The following PCDHGB3 variants were observed in gnomAD, a reference collection of about 807,000 sequenced individuals.
The protein encoded by PCDHGB3 is protocadherin gamma subfamily B, 3.
A neutral mutation model predicts 59.2 loss-of-function variants in PCDHGB3; 40 were observed. The ratio of observed to expected loss-of-function variants is 0.68; its 90% CI spans 0.52 to 0.88. The LOEUF is 0.88. Ranked by LOEUF, PCDHGB3 falls within the 40% of genes least tolerant of loss-of-function variation. The pLI is 0.00. For missense variants in PCDHGB3, 1,309 were observed against 1,187.9 expected, an observed-to-expected ratio of 1.10 and a Z score of -1.50; for synonymous variants, 581 against 503.6, an observed-to-expected ratio of 1.15 and a Z score of -2.06.
At chr5:141,478,412 TC>T in intron 1 of PCDHGB3, 2 of 1,611,958 alleles carry the variant, frequency 1.2e-6, no homozygotes, top group Non-Finnish European at 1.7e-6. Flanking sequence ...CACCACGGAC[TC>T]CCGCCGCAGC....
chr5:141,383,913 A>G, intron 1 of PCDHGB3: 1 of 1,613,990 alleles, frequency 6.2e-7, no homozygotes, highest in Non-Finnish European at 8.5e-7. Flanking sequence ...TCACAGTTTT[A>G]GATGTAAATG....
At chr5:141,414,668 A>C in intron 1 of PCDHGB3, 1 of 1,613,856 alleles carries the variant, frequency 6.2e-7, no homozygotes, top group East Asian at 2.2e-5. Context: ...CTGGCTGAAG[A>C]CACCATCCAG....
At chr5:141,406,244 G>C (rs1214749681) in intron 1 of PCDHGB3, among the ~76,000 whole-genome samples, 1 of 151,936 alleles carries the variant, frequency 6.6e-6, no homozygotes, top group Non-Finnish European at 1.5e-5. Context: ...ATGTTGCCCA[G>C]ACTGGTCTCA....
rs758266181 is a variant in PCDHGB3 at position 141,476,561 on chromosome 5, G to A, written c.2416-18246G>A. 1.9e-6 allele frequency: 3 copies of A among 1,614,100 alleles called. No homozygotes were observed. The highest frequency in any genetic ancestry group is 2.5e-6 in the Non-Finnish European group (3 of 1,180,050). Reference sequence around the variant, plus strand: ...GAAATTGGAGATTAGCGAGGCCGTGGCTCCGGGGACGCGCTTTCCGCTCGA... The same window carrying A: ...GAAATTGGAGATTAGCGAGGCCGTGACTCCGGGGACGCGCTTTCCGCTCGA... On this transcript the variant is annotated intron_variant, in intron 1 of 3. Coordinates refer to ENST00000576222, the MANE Select transcript of PCDHGB3 (RefSeq NM_018924.5). This position sits in a 1 kb window ranked among gnomAD's most constrained non-coding sequence, Gnocchi z 7.6.
In PCDHGB3 at chr5:141,476,574, G is replaced by C. The variant is rs746783993; in HGVS notation, c.2416-18233G>C. The C allele has an allele frequency of 1.1e-5, 18 of 1,614,084 alleles. No homozygotes were observed. The Admixed American group carries it at 1.8e-4, about 16-fold the overall frequency. On this transcript the variant is annotated intron_variant, in intron 1 of 3. Coordinates refer to ENST00000576222, the MANE Select transcript of PCDHGB3 (RefSeq NM_018924.5). The surrounding 1 kb of genome is among the most constrained non-coding windows in gnomAD (Gnocchi z 7.6). ...AGCGAGGCCGTGGCTCCGGGGACGC[G>C]CTTTCCGCTCGAGAGCGCGCACGAT...
chr5:141,454,796 A>ATTTTTTTT (rs61612330), intron 1 of PCDHGB3, among the ~76,000 whole-genome samples: 1,488 of 77,444 alleles, frequency 0.019, 251 homozygotes, highest in African/African-American at 0.042. Flanking sequence ...CATGGTTCTA[A>ATTTTTTTT]TTTTTTTTTT....
In PCDHGB3 at chr5:141,491,632, C is replaced by T; in HGVS notation, c.2416-3175C>T. On this transcript the variant is annotated intron_variant, in intron 1 of 3. Transcript: ENST00000576222. This position sits in a 1 kb window ranked among gnomAD's most constrained non-coding sequence, Gnocchi z 6.9. ...TCTAAGACCCCTCAGCGTTCAGCAG[C>T]CCACAGCTCTGGCGCTGGAGCCTGA... 1.2e-6 allele frequency: 2 copies of T among 1,613,886 alleles called. No individual in the cohort carries two copies. The highest frequency in any genetic ancestry group is 1.7e-6 in the Non-Finnish European group (2 of 1,179,994).
chr5:141,396,720 C>T (rs1432240411), intron 1 of PCDHGB3: 1 of 151,964 alleles, frequency 6.6e-6, no homozygotes, highest in Non-Finnish European at 1.5e-5. Flanking sequence ...AAGCTAATAC[C>T]TGAATTGATT....
chr5:141,407,618 T>C (rs2094961239), intron 1 of PCDHGB3, among the ~76,000 whole-genome samples: 1 of 152,204 alleles, frequency 6.6e-6, no homozygotes, highest in South Asian at 2.1e-4. Context: ...TTGGTTGACA[T>C]TCTATATCTC....
chr5:141,448,756 C>T (rs938202200), intron 1 of PCDHGB3, among the ~76,000 whole-genome samples: 1 of 151,742 alleles, frequency 6.6e-6, no homozygotes, highest in African/African-American at 2.4e-5. Context: ...CTGGCTAACA[C>T]GGTGAAACCC....
chr5:141,457,422 TC>T (rs1038085994), intron 1 of PCDHGB3, among the ~76,000 whole-genome samples: 1 of 151,626 alleles, frequency 6.6e-6, no homozygotes, highest in African/African-American at 2.4e-5. Context: ...CATCCCTTTT[TC>T]CCCCCCACCA....
intron 1 of PCDHGB3, chr5:141,376,036 G>A (rs755190782): frequency 5.0e-6 from 8 of 1,613,116 alleles, no homozygotes; most frequent in South Asian, 1.1e-5. Flanking sequence ...ACCACGGCCA[G>A]CCCCCTCTCT....
chr5:141,476,446 G>A lies in PCDHGB3; in HGVS notation c.2416-18361G>A. On this transcript the variant is annotated intron_variant, in intron 1 of 3. Transcript: ENST00000576222. This position sits in a 1 kb window ranked among gnomAD's most constrained non-coding sequence, Gnocchi z 7.6. Reference sequence around the variant, plus strand: ...CCTCTTGCACTGTAACTCTGGAGTTGGTAGTGGAGAACCCGCTGGAGCTGT... The same window carrying A: ...CCTCTTGCACTGTAACTCTGGAGTTAGTAGTGGAGAACCCGCTGGAGCTGT... 6.2e-7 allele frequency: 1 copy of A among 1,614,144 alleles called. No homozygotes were observed. Among genetic ancestry groups the A allele is most frequent in the South Asian group, 1.1e-5 (1 of 91,072 alleles).
rs780665474 is a variant in PCDHGB3 at position 141,371,288 on chromosome 5, G to C, written c.894G>C (p.Thr298=). The C allele has an allele frequency of 2.5e-6, 4 of 1,613,874 alleles. No homozygotes were observed. The East Asian group carries it at 6.7e-5, about 27-fold the overall frequency. The part of the protein sequence containing the change: ...VRQLFKLDSK[T]GELTTIGELD... ...AACTGTTCAAGCTGGACAGTAAAAC[G>C]GGGGAACTCACCACTATTGGAGAAC... The change falls in exon 1 of 4, where the codon ACG becomes ACC. Residue 298 remains threonine, a synonymous_variant. Transcript: ENST00000576222.
rs2099705703 is a variant in PCDHGB3, at chr5:141,490,886, C to A, written c.2416-3921C>A. On this transcript the variant is annotated intron_variant, in intron 1 of 3. Transcript: ENST00000576222. This position sits in a 1 kb window ranked among gnomAD's most constrained non-coding sequence, Gnocchi z 5.4. The stretch of plus-strand genomic sequence containing the variant: ...TCTCCCCCATTGCATGCCAACACAT[C>A]TCTGCATGTGTTTGTCCTAGACGAG... The A allele has an allele frequency of 6.2e-7, 1 of 1,613,406 alleles. No homozygotes were observed. Among genetic ancestry groups the A allele is most frequent in the East Asian group, 2.2e-5 (1 of 44,878 alleles).
chr5:141,415,660 T>C, intron 1 of PCDHGB3: 2 of 1,583,052 alleles, frequency 1.3e-6, no homozygotes, highest in Non-Finnish European at 8.6e-7. Context: ...AAAGATTGGT[T>C]TTTACTTTGA....
At chr5:141,427,249 G>A (rs1417336994) in intron 1 of PCDHGB3, 1 of 456,742 alleles carries the variant, frequency 2.2e-6, no homozygotes, top group African/African-American at 2.0e-5. Context: ...GCTAAGGATG[G>A]TGGAGGCATG....
rs763451417 is a variant in PCDHGB3, at chr5:141,408,628, T to G, written c.2415+35819T>G. On this transcript the variant is annotated intron_variant, in intron 1 of 3. Transcript: ENST00000576222. The stretch of plus-strand genomic sequence containing the variant: ...ATAAAAAGGAAATACATTTAGAAAT[T>G]TTCGAATCTGCATCCGCTGGTACAC... The G allele has an allele frequency of 3.7e-6, 6 of 1,613,920 alleles. No individual in the cohort carries two copies. In the Admixed American group the frequency reaches 1.0e-4, roughly 27 times the overall value.
In PCDHGB3 at chr5:141,486,828, G is replaced by T. The variant is rs140257646; in HGVS notation, c.2416-7979G>T. ...CCCCTTAGCAGCACTGTAACAGTTC[G>T]TCTATTTGTGCTGGACCTCAATGAC... On this transcript the variant is annotated intron_variant, in intron 1 of 3. Coordinates refer to ENST00000576222, the MANE Select transcript of PCDHGB3 (RefSeq NM_018924.5). This position sits in a 1 kb window ranked among gnomAD's most constrained non-coding sequence, Gnocchi z 5.0. The T allele has an allele frequency of 8.7e-6, 14 of 1,614,218 alleles. No homozygotes were observed. The highest frequency in any genetic ancestry group is 1.2e-5 in the Non-Finnish European group (14 of 1,180,042).
Sources: allele counts gnomAD v4.1 joint callset (sites outside exome capture counted in the v4.1 genomes callset), GRCh38; gene constraint gnomAD v4.1.1; non-coding constraint Gnocchi (gnomAD v3.1); transcripts MANE v1.5; gene names NCBI Gene and HGNC (gene_info 2026-07-23, HGNC 2026-07-21).